The following CNTN3 variants were observed in gnomAD, a reference collection of about 807,000 sequenced individuals.
CNTN3 encodes the protein contactin 3.
In CNTN3, 60 loss-of-function variants were observed where a neutral mutation model predicts 119.1. The ratio of observed to expected loss-of-function variants is 0.50; its 90% CI spans 0.41 to 0.62. The LOEUF (loss-of-function observed/expected upper bound fraction) is 0.62. Ranked by LOEUF, CNTN3 falls within the 20% of genes least tolerant of loss-of-function variation. The pLI, the probability that CNTN3 is intolerant of heterozygous loss-of-function variation, is 0.00. For missense variants in CNTN3, 1,101 were observed against 1,242.4 expected, an observed-to-expected ratio of 0.89 and a Z score of 1.71; for synonymous variants, 450 against 438.7, an observed-to-expected ratio of 1.03 and a Z score of -0.32.
Position 74,312,615 on chromosome 3 carries a change from G to A in CNTN3, c.1669-9808C>T, listed in dbSNP as rs78668646. 8.5e-3 allele frequency among the ~76,000 whole-genome samples: 1,287 copies of A among 152,090 alleles called. 15 individuals carry two copies. Among genetic ancestry groups the A allele is most frequent in the African/African-American group, 0.028 (1,180 of 41,462 alleles). Reference sequence around the variant, plus strand: ...GAAGGGACAAAGACTGAGAAGCACTGGTGAAGTTCACAGTCTAGGGGCATA... The same window carrying A: ...GAAGGGACAAAGACTGAGAAGCACTAGTGAAGTTCACAGTCTAGGGGCATA... On this transcript the variant is annotated intron_variant, in intron 13 of 22. Transcript: ENST00000263665.
intron 3 of CNTN3, among the ~76,000 whole-genome samples, chr3:74,494,062 T>G (rs1703014926): frequency 6.6e-6 from 1 of 152,026 alleles, no homozygotes; most frequent in African/African-American, 2.4e-5. Context: ...TTTCAAGGAG[T>G]GTTACAGATG....
At chr3:74,607,160 C>T (rs1039277966) in intron 1 of CNTN3, among the ~76,000 whole-genome samples, 7 of 152,022 alleles carry the variant, frequency 4.6e-5, no homozygotes, top group East Asian at 3.9e-4. Context: ...TGCACAGGGG[C>T]GAGGGAGGTG....
At position 74,506,260 on chromosome 3, in the gene CNTN3, A is replaced by G. The variant is rs552223565; in HGVS notation, c.56-6475T>C. Among the ~76,000 whole-genome samples, 111 of 152,328 alleles carry G rather than the reference A, an allele frequency of 7.3e-4. 2 individuals carry two copies. The highest frequency in any genetic ancestry group is 6.8e-3 in the Middle Eastern group (2 of 294). ...GATCTATTTCACTGGACTGATTAAC[A>G]TTAGTCTGTACTATAATTCCATAAA... On this transcript the variant is annotated intron_variant, in intron 2 of 22. Coordinates refer to ENST00000263665, the MANE Select transcript of CNTN3 (RefSeq NM_020872.3).
intron 1 of CNTN3, among the ~76,000 whole-genome samples, chr3:74,536,476 A>T (rs1703766961): frequency 6.6e-6 from 1 of 152,096 alleles, no homozygotes; most frequent in Admixed American, 6.6e-5. Context: ...CATTTCCCCC[A>T]CTTCCCAAGA....
At chr3:74,465,353 A>G (rs1702442426) in intron 4 of CNTN3, among the ~76,000 whole-genome samples, 2 of 152,170 alleles carry the variant, frequency 1.3e-5, no homozygotes, top group Non-Finnish European at 2.9e-5. Context: ...TTACTATTAC[A>G]CTCACGACTC....
At chr3:74,342,351 T>C (rs901421380) in intron 11 of CNTN3, among the ~76,000 whole-genome samples, 2 of 152,166 alleles carry the variant, frequency 1.3e-5, no homozygotes, top group African/African-American at 4.8e-5. Context: ...CTTCTACCTA[T>C]CCTATTTTGG....
At chr3:74,445,281 T>A (rs997703518) in intron 4 of CNTN3, among the ~76,000 whole-genome samples, 1 of 152,114 alleles carries the variant, frequency 6.6e-6, no homozygotes, top group East Asian at 1.9e-4. Flanking sequence ...GGTTTTTTTT[T>A]AGACAGGGTC....
intron 20 of CNTN3, among the ~76,000 whole-genome samples, chr3:74,280,776 G>A (rs557608298): frequency 5.9e-5 from 9 of 152,316 alleles, no homozygotes; most frequent in South Asian, 2.1e-4. Context: ...CTGACACTCC[G>A]GCTAAGGCAG....
At chr3:74,546,926 C>T (rs1338087108) in intron 1 of CNTN3, among the ~76,000 whole-genome samples, 1 of 151,990 alleles carries the variant, frequency 6.6e-6, no homozygotes, top group African/African-American at 2.4e-5. Flanking sequence ...TTTCCATTTA[C>T]TTTATTTCAT....
At chr3:74,377,694 A>G (rs1704513606) in intron 5 of CNTN3, among the ~76,000 whole-genome samples, 1 of 152,224 alleles carries the variant, frequency 6.6e-6, no homozygotes, top group Admixed American at 6.5e-5. Context: ...TTTTAATTCA[A>G]AAGTCAAAAA....
chr3:74,530,192 A>C (rs1403154553), intron 1 of CNTN3, among the ~76,000 whole-genome samples: 1 of 152,018 alleles, frequency 6.6e-6, no homozygotes, highest in Non-Finnish European at 1.5e-5. Flanking sequence ...ATTATACTAC[A>C]TTTTAATAAG....
At chr3:74,400,629 T>C (rs957047097) in intron 5 of CNTN3, among the ~76,000 whole-genome samples, 7 of 152,184 alleles carry the variant, frequency 4.6e-5, no homozygotes, top group Non-Finnish European at 8.8e-5. Context: ...TATGGCACCA[T>C]GACAAAGCCC....
At chr3:74,360,503 G>A (rs1319911256) in intron 11 of CNTN3, among the ~76,000 whole-genome samples, 1 of 152,148 alleles carries the variant, frequency 6.6e-6, no homozygotes, top group Non-Finnish European at 1.5e-5. Context: ...AATTCACTTA[G>A]TGTTCTGTGT....
At chr3:74,377,938 T>C (rs145496611) in intron 5 of CNTN3, among the ~76,000 whole-genome samples, 70 of 152,340 alleles carry the variant, frequency 4.6e-4, no homozygotes, top group Middle Eastern at 6.8e-3. Flanking sequence ...TAAAATTATA[T>C]TATGAAGGAG....
intron 1 of CNTN3, among the ~76,000 whole-genome samples, chr3:74,583,094 C>A (rs1382856037): frequency 2.0e-5 from 3 of 152,022 alleles, no homozygotes; most frequent in African/African-American, 7.2e-5. Flanking sequence ...TCGAGTAATT[C>A]TAACAGGCTC....
chr3:74,424,632 T>C (rs1381378999), intron 5 of CNTN3, among the ~76,000 whole-genome samples: 2 of 152,204 alleles, frequency 1.3e-5, no homozygotes, highest in Non-Finnish European at 2.9e-5. Flanking sequence ...CTTGTCTTTA[T>C]AAACCAAAAA....
intron 1 of CNTN3, among the ~76,000 whole-genome samples, chr3:74,538,545 C>T (rs190293114): frequency 1.3e-5 from 2 of 152,072 alleles, no homozygotes; most frequent in Non-Finnish European, 2.9e-5. Context: ...CCAACGTATC[C>T]TACTAAAAGT....
At chr3:74,423,483 G>A (rs1449121656) in intron 5 of CNTN3, among the ~76,000 whole-genome samples, 2 of 152,152 alleles carry the variant, frequency 1.3e-5, no homozygotes, top group Non-Finnish European at 2.9e-5. Context: ...AGTGAGAGCT[G>A]GAGGCCATCC....
In CNTN3 at chr3:74,362,033, A is replaced by G; in HGVS notation, c.1221T>C (p.Ala407=). 6.2e-7 allele frequency: 1 copy of G among 1,613,170 alleles called. No homozygotes were observed. The highest frequency in any genetic ancestry group is 8.5e-7 in the Non-Finnish European group (1 of 1,179,434). ...TCATTGGATTCTTTGAAAAATCTGG[A>G]GCAGAAGCTGAAAGGCAAGAAAGGA... ...SSAELKVVAS[A]PDFSKNPMKK... The change falls in exon 11 of 23, where the codon GCT becomes GCC. Residue 407 remains alanine, a synonymous_variant. Coordinates refer to ENST00000263665, the MANE Select transcript of CNTN3 (RefSeq NM_020872.3).
Sources: allele counts gnomAD v4.1 joint callset (sites outside exome capture counted in the v4.1 genomes callset), GRCh38; gene constraint gnomAD v4.1.1; transcripts MANE v1.5; gene names NCBI Gene and HGNC (gene_info 2026-07-23, HGNC 2026-07-21).